Variants in ADD1 observed in about 807,000 individuals in gnomAD.
ADD1 encodes adducin 1.
A neutral mutation model predicts 80.5 loss-of-function variants in ADD1; 24 were observed. The ratio of observed to expected loss-of-function variants is 0.30; its 90% CI spans 0.22 to 0.42. The LOEUF (loss-of-function observed/expected upper bound fraction) is 0.42. ADD1 is among the 10% of genes least tolerant of loss of function. ADD1 has a pLI of 1.00. For synonymous variants in ADD1, 373 were observed against 393.8 expected (o/e 0.95, Z 0.63); for missense variants, 948 against 1,019.0 (o/e 0.93, Z 0.95).
At chr4:2,856,034 T>G (rs1011163502) in intron 1 of ADD1, among the ~76,000 whole-genome samples, 8 of 133,884 alleles carry the variant, frequency 6.0e-5, no homozygotes, top group African/African-American at 2.3e-4. Flanking sequence ...ACTCGGAAAT[T>G]ATTTCACACA....
chr4:2,888,015 TTAAAA>T (rs1332560090), intron 4 of ADD1, among the ~76,000 whole-genome samples: 4 of 152,210 alleles, frequency 2.6e-5, no homozygotes, highest in African/African-American at 7.2e-5. Flanking sequence ...GAAATAAATC[TTAAAA>T]TAAGTAAAAG....
chr4:2,920,657 C>CTTTTTTTTTT (rs55649630), intron 14 of ADD1, among the ~76,000 whole-genome samples: 60 of 136,464 alleles, frequency 4.4e-4, no homozygotes, highest in African/African-American at 1.1e-3. Context: ...GCAACTCCTG[C>CTTTTTTTTTT]TTTTTTTTTT....
chr4:2,891,944 C>T (rs1271016496), intron 4 of ADD1, among the ~76,000 whole-genome samples: 2 of 152,168 alleles, frequency 1.3e-5, no homozygotes, highest in South Asian at 2.1e-4. Flanking sequence ...GCAGTGGTGA[C>T]AAACACAGGA....
At position 2,919,423 on chromosome 4, in the gene ADD1, TTCTGTACC is replaced by T. The variant is rs564163641; in HGVS notation, c.1948+4388_1948+4395del. Reference sequence around the variant, plus strand: ...GATGGAATGGTACCTACCAGCTCCTTTCTGTACCTCTGGTAGAATCTGGCTGTGAATCC... The same window carrying T: ...GATGGAATGGTACCTACCAGCTCCTTTCTGGTAGAATCTGGCTGTGAATCC... On this transcript the variant is annotated intron_variant, in intron 14 of 15. Coordinates refer to ENST00000683351, the MANE Select transcript of ADD1 (RefSeq NM_001354761.2). Among the ~76,000 whole-genome samples, 77 of 152,180 alleles carry T rather than the reference TTCTGTACC, an allele frequency of 5.1e-4. No individual in the cohort carries two copies. The South Asian group carries it at 9.4e-3, about 18-fold the overall frequency.
At chr4:2,907,995 G>A in intron 11 of ADD1, 151 bp downstream of exon 11, 1 of 659,758 alleles carries the variant, frequency 1.5e-6, no homozygotes, top group South Asian at 1.7e-5. Flanking sequence ...CACCGCTGCT[G>A]TTCTACCACC....
At chr4:2,845,113 G>T (rs923765851) in intron 1 of ADD1, among the ~76,000 whole-genome samples, 1 of 151,918 alleles carries the variant, frequency 6.6e-6, no homozygotes, top group South Asian at 2.1e-4. Flanking sequence ...TCGCTCTGTC[G>T]CCAGGCTGGA....
Position 2,928,534 on chromosome 4 carries a change from C to G in ADD1, c.*11C>G. Reference sequence around the variant, plus strand: ...AAGAGTGACTCCTGAAAGCCCTGCGCTAACACTGTCCTGTCCGGAGCGACC... The same window carrying G: ...AAGAGTGACTCCTGAAAGCCCTGCGGTAACACTGTCCTGTCCGGAGCGACC... On this transcript the variant is annotated 3_prime_UTR_variant, in exon 16 of 16. Transcript: ENST00000683351. 1.2e-6 allele frequency: 2 copies of G among 1,611,096 alleles called. No individual in the cohort carries two copies. Among genetic ancestry groups the G allele is most frequent in the South Asian group, 2.2e-5 (2 of 90,916 alleles).
chr4:2,854,236 A>G (rs1488824650), intron 1 of ADD1, among the ~76,000 whole-genome samples: 1 of 152,174 alleles, frequency 6.6e-6, no homozygotes, highest in Non-Finnish European at 1.5e-5. Context: ...AGGCAGGAGC[A>G]TTGCTTGAAC....
rs1341447310 is a variant in ADD1 at position 2,929,681 on chromosome 4, G to A, written c.*1158G>A. ...AGAGCTGGTGCCAGATGTGGGCTCA[G>A]ATCCTGGGCATGATGGGCCGAGCCA... On this transcript the variant is annotated 3_prime_UTR_variant, in exon 16 of 16. Coordinates refer to ENST00000683351, the MANE Select transcript of ADD1 (RefSeq NM_001354761.2). 6.6e-6 allele frequency: 1 copy of A among 152,314 alleles called. No homozygotes were observed. The highest frequency in any genetic ancestry group is 1.9e-4 in the East Asian group (1 of 5,196). 9.4% of individuals were successfully genotyped at this position (152,314 alleles called of 1,614,324 possible).
chr4:2,859,806 A>G (rs937066582), intron 1 of ADD1, among the ~76,000 whole-genome samples: 3 of 152,156 alleles, frequency 2.0e-5, no homozygotes, highest in Non-Finnish European at 4.4e-5. Context: ...CACTTTAGAC[A>G]CATTGTTTGC....
intron 1 of ADD1, among the ~76,000 whole-genome samples, chr4:2,852,483 C>T (rs541736797): frequency 1.5e-4 from 23 of 150,922 alleles, no homozygotes; most frequent in African/African-American, 5.6e-4. Context: ...CACAGCACCA[C>T]ACCCGGCTGA....
chr4:2,868,681 A>G (rs1392446409), intron 1 of ADD1, among the ~76,000 whole-genome samples: 1 of 152,150 alleles, frequency 6.6e-6, no homozygotes, highest in East Asian at 1.9e-4. Flanking sequence ...TTAGAAATGT[A>G]TTGTCCCTGT....
At chr4:2,906,616 G>A (rs917358567) in intron 10 of ADD1, among the ~76,000 whole-genome samples, 2 of 152,222 alleles carry the variant, frequency 1.3e-5, no homozygotes, top group African/African-American at 4.8e-5. Flanking sequence ...GAGTGACAGA[G>A]TCCATGCAGT....
At chr4:2,907,029 C>T (rs1336136500) in intron 10 of ADD1, among the ~76,000 whole-genome samples, 1 of 152,108 alleles carries the variant, frequency 6.6e-6, no homozygotes, top group Non-Finnish European at 1.5e-5. Flanking sequence ...GTGGAAGGCT[C>T]AGCATGCTGA....
rs745933841 is a variant in ADD1 at position 2,881,908 on chromosome 4, A to G, written c.206A>G (p.Glu69Gly). ...AATATTTTTTATTAGGCTTTCTGTG[A>G]AGAATTGGAATCAATGATACAGGAG... ...SMILQSPAFC[E>G]ELESMIQEQF... The change falls in exon 3 of 16, where the codon GAA (glutamate) becomes GGA (glycine). Residue 69 changes from glutamate to glycine, a missense_variant. Glu to Gly is a moderately conservative substitution (Grantham distance 98). Coordinates refer to ENST00000683351, the MANE Select transcript of ADD1 (RefSeq NM_001354761.2). 2 of 1,591,858 alleles carry G rather than the reference A, an allele frequency of 1.3e-6. No homozygotes were observed. Among genetic ancestry groups the G allele is most frequent in the South Asian group, 2.3e-5 (2 of 86,274 alleles).
In ADD1 at chr4:2,928,279, T is replaced by C. The variant is rs763556415; in HGVS notation, c.2156T>C (p.Met719Thr). Residue 719 changes from methionine to threonine, a missense_variant, in exon 16 of 16, where the codon ATG becomes ACG. By Grantham distance (81) the Met-to-Thr change is moderately conservative. Coordinates refer to ENST00000683351, the MANE Select transcript of ADD1 (RefSeq NM_001354761.2). Reference sequence around the variant, plus strand: ...CCTTCAGAAGCACTCGGCTTCCCAATGTTAGAGAAGGAGGAGGAAGCCCAT... The same window carrying C: ...CCTTCAGAAGCACTCGGCTTCCCAACGTTAGAGAAGGAGGAGGAAGCCCAT... ...DEPSEALGFP[M>T]LEKEEEAHRP... 2.6e-5 allele frequency: 42 copies of C among 1,613,760 alleles called. No homozygotes were observed. Among genetic ancestry groups the C allele is most frequent in the Non-Finnish European group, 3.3e-5 (39 of 1,179,984 alleles).
intron 3 of ADD1, among the ~76,000 whole-genome samples, chr4:2,884,006 G>A (rs1004322218): frequency 9.2e-5 from 14 of 152,168 alleles, no homozygotes; most frequent in Admixed American, 5.2e-4. Context: ...CTTTTGTTAA[G>A]TCTGGCTAGA....
Position 2,914,890 on chromosome 4 carries a change from C to T in ADD1, c.1798C>T (p.Leu600=). ...ATGTGCCTTTCATCCACAGGGAGAG[C>T]TGGTGACGGCCTCCAAGGCCATCAT... ...AKSLSFRKGE[L]VTASKAIIEK... is the part of the protein sequence containing the mutation. Residue 600 remains leucine, a synonymous_variant, in exon 14 of 16, where the codon CTG becomes TTG. Coordinates refer to ENST00000683351, the MANE Select transcript of ADD1 (RefSeq NM_001354761.2). 5 of 1,610,158 alleles carry T rather than the reference C, an allele frequency of 3.1e-6. No individual in the cohort carries two copies. Among genetic ancestry groups the T allele is most frequent in the African/African-American group, 1.3e-5 (1 of 74,940 alleles).
chr4:2,904,826 C>T lies in ADD1; in HGVS notation c.1224C>T (p.Ser408=), dbSNP rs975086345. ...PALREKSKKY[S]DVEVPASVTG... Reference sequence around the variant, plus strand: ...TGAGAGAGAAGTCTAAAAAATACAGCGATGTGGAGGTTCCTGCTAGTGTCA... The same window carrying T: ...TGAGAGAGAAGTCTAAAAAATACAGTGATGTGGAGGTTCCTGCTAGTGTCA... Residue 408 remains serine (S), a synonymous_variant, in exon 10 of 16, where the codon AGC becomes AGT. Coordinates refer to ENST00000683351, the MANE Select transcript of ADD1 (RefSeq NM_001354761.2). The T allele has an allele frequency of 2.5e-6, 4 of 1,614,164 alleles. No homozygotes were observed. Among genetic ancestry groups the T allele is most frequent in the African/African-American group, 2.7e-5 (2 of 75,030 alleles).
Sources: gnomAD v4.1 joint callset for allele counts (sites outside exome capture counted in the v4.1 genomes callset) on GRCh38, gnomAD v4.1.1 for gene constraint, MANE v1.5 for transcripts, NCBI Gene and HGNC (gene_info 2026-07-23, HGNC 2026-07-21) for gene names.